The following COL19A1 variants were observed in gnomAD, a reference collection of about 807,000 sequenced individuals.
The protein encoded by COL19A1 is collagen alpha-1(XIX) chain.
Under a neutral mutation model 190.2 loss-of-function variants are expected in COL19A1, and 159 were observed. That is an observed-to-expected ratio of 0.84 (90% confidence interval 0.73 to 0.95). The LOEUF is 0.95. Among genes scored for constraint, COL19A1 ranks in the 40% least tolerant of loss-of-function variants. The pLI is 0.00. For missense variants in COL19A1, 1,418 were observed against 1,431.9 expected, an observed-to-expected ratio of 0.99 and a Z score of 0.16; for synonymous variants, 509 against 458.9, an observed-to-expected ratio of 1.11 and a Z score of -1.39.
intron 50 of COL19A1, 41 bp from the exon 51 acceptor site, chr6:70,207,106 C>T (rs776889603): frequency 1.2e-6 from 2 of 1,606,716 alleles, no homozygotes; most frequent in African/African-American, 2.7e-5. Context: ...GAGGAAGGGC[C>T]ATATGTGATC....
intron 2 of COL19A1, among the ~76,000 whole-genome samples, chr6:69,881,752 A>G (rs1768569604): frequency 6.6e-6 from 1 of 152,248 alleles, no homozygotes; most frequent in African/African-American, 2.4e-5. Flanking sequence ...GTTTGTTTTT[A>G]TCATGCTATT....
chr6:70,135,452 C>T (rs1000204930), intron 18 of COL19A1, among the ~76,000 whole-genome samples: 2 of 152,120 alleles, frequency 1.3e-5, no homozygotes, highest in African/African-American at 4.8e-5. Flanking sequence ...CCAGTCAACT[C>T]ATTAGCATAC....
At chr6:69,980,723 C>G (rs890514546) in intron 11 of COL19A1, among the ~76,000 whole-genome samples, 3 of 152,178 alleles carry the variant, frequency 2.0e-5, no homozygotes, top group African/African-American at 7.2e-5. Flanking sequence ...GAATAGGCAG[C>G]TCGCTAAAGA....
chr6:69,897,623 C>T (rs1769882067), intron 2 of COL19A1, among the ~76,000 whole-genome samples: 1 of 152,088 alleles, frequency 6.6e-6, no homozygotes, highest in Non-Finnish European at 1.5e-5. Context: ...TTTAATTTCT[C>T]TCAGGCATGT....
In COL19A1 at chr6:70,090,645, C is replaced by T. The variant is rs867523901; in HGVS notation, c.1225-11524C>T. On this transcript the variant is annotated intron_variant, in intron 15 of 50. Transcript: ENST00000620364. The stretch of plus-strand genomic sequence containing the variant: ...ATAACCTAAAATTAGTTCTATTGAG[C>T]TTCTGTATTAAATGATGAATTTGGT... 3.3e-5 allele frequency among the ~76,000 whole-genome samples: 5 copies of T among 152,256 alleles called. No individual in the cohort carries two copies. In the South Asian group the frequency reaches 6.2e-4, roughly 19 times the overall value.
At chr6:70,097,080 A>G (rs1042865348) in intron 15 of COL19A1, among the ~76,000 whole-genome samples, 1 of 152,170 alleles carries the variant, frequency 6.6e-6, no homozygotes, top group Non-Finnish European at 1.5e-5. Context: ...CATCTGTCAA[A>G]TAAGTACCAA....
Position 70,016,589 on chromosome 6 carries a change from A to G in COL19A1, c.1027-7038A>G, listed in dbSNP as rs1778121846. ...AATTTAAAAATATTATTTCAAGAAT[A>G]AAATAACCAAACCATATTCTGGGAG... On this transcript the variant is annotated intron_variant, in intron 11 of 50. Coordinates refer to ENST00000620364, the MANE Select transcript of COL19A1 (RefSeq NM_001858.6). 2.0e-5 allele frequency among the ~76,000 whole-genome samples: 3 copies of G among 151,876 alleles called. No homozygotes were observed. In the South Asian group the frequency reaches 6.2e-4, roughly 31 times the overall value.
chr6:70,058,320 C>T (rs1289379023), intron 14 of COL19A1, among the ~76,000 whole-genome samples: 1 of 151,960 alleles, frequency 6.6e-6, no homozygotes, highest in African/African-American at 2.4e-5. Context: ...TATGTGTAAC[C>T]TCTAATTTTT....
chr6:70,075,823 A>G (rs9454962), intron 15 of COL19A1, among the ~76,000 whole-genome samples: 1 of 152,232 alleles, frequency 6.6e-6, no homozygotes, highest in South Asian at 2.1e-4. Flanking sequence ...AATAATACTT[A>G]TATCAATAGT....
intron 49 of COL19A1, among the ~76,000 whole-genome samples, chr6:70,201,522 A>T (rs958384516): frequency 2.6e-5 from 4 of 152,222 alleles, no homozygotes; most frequent in African/African-American, 9.6e-5. Context: ...AACTTGGAAG[A>T]TATCCCCACA....
chr6:70,165,279 C>G (rs1229566113), intron 36 of COL19A1, among the ~76,000 whole-genome samples: 1 of 152,180 alleles, frequency 6.6e-6, no homozygotes, highest in Non-Finnish European at 1.5e-5. Flanking sequence ...AACTTGAATT[C>G]ATTTTCACAA....
chr6:70,177,052 C>G (rs1320511379), intron 42 of COL19A1, among the ~76,000 whole-genome samples: 1 of 152,132 alleles, frequency 6.6e-6, no homozygotes, highest in East Asian at 1.9e-4. Context: ...TCAATCCTCT[C>G]AATCATTTTT....
rs966829524 is a variant in COL19A1 at position 70,208,711 on chromosome 6, A to G, written c.*1437A>G. The G allele has an allele frequency of 1.3e-5, 2 of 152,642 alleles. No homozygotes were observed. The highest frequency in any genetic ancestry group is 3.9e-4 in the East Asian group (2 of 5,194). 9.5% of individuals were successfully genotyped at this position (152,642 alleles called of 1,614,324 possible). A position where few individuals can be genotyped will look rare whatever the true frequency, so the allele number is the denominator to read the frequency against. ...TCTTCAAGGAGCAGTGCAGATTTCA[A>G]TTTGGCTAAAACAGGATGATTGCTT... On this transcript the variant is annotated 3_prime_UTR_variant, in exon 51 of 51. Coordinates refer to ENST00000620364, the MANE Select transcript of COL19A1 (RefSeq NM_001858.6).
At position 69,884,868 on chromosome 6, in the gene COL19A1, T is replaced by A. The variant is rs1768808946; in HGVS notation, c.91+5210T>A. Among the ~76,000 whole-genome samples the A allele has an allele frequency of 2.0e-5, 3 of 151,960 alleles. No homozygotes were observed. In the South Asian group the frequency reaches 6.2e-4, roughly 32 times the overall value. On this transcript the variant is annotated intron_variant, in intron 2 of 50. Transcript: ENST00000620364. The stretch of plus-strand genomic sequence containing the variant: ...TCCTTTGGCTCTTTTCTCTTTTTTT[T>A]TTTTTCCAGACTGAGTCTCGCTCTG...
chr6:70,143,876 T>C (rs6935524), intron 23 of COL19A1, among the ~76,000 whole-genome samples: 71,903 of 151,546 alleles, frequency 0.47, 17,539 homozygotes, highest in African/African-American at 0.57. Context: ...ATAGTAAAAA[T>C]ATATTTTTCT....
At chr6:70,121,011 G>A (rs1163871895) in intron 16 of COL19A1, among the ~76,000 whole-genome samples, 1 of 152,010 alleles carries the variant, frequency 6.6e-6, no homozygotes, top group Admixed American at 6.6e-5. Context: ...TCTTCCTTCT[G>A]TGTCTTATCT....
rs146627676 is a variant in COL19A1 at position 69,879,105 on chromosome 6, A to G, written c.-32-431A>G. Among the ~76,000 whole-genome samples, 600 of 152,292 alleles carry G rather than the reference A, an allele frequency of 3.9e-3. 5 individuals carry two copies. Among genetic ancestry groups the G allele is most frequent in the African/African-American group, 0.011 (469 of 41,554 alleles). On this transcript the variant is annotated intron_variant, in intron 1 of 50. Transcript: ENST00000620364. The stretch of plus-strand genomic sequence containing the variant: ...AGTTTCAGTTTTGCAAAATGAAAAA[A>G]GTTCTGCAGATGGCGGGGATGGTTG...
At chr6:70,200,637 T>C (rs1767489901) in intron 49 of COL19A1, among the ~76,000 whole-genome samples, 1 of 152,168 alleles carries the variant, frequency 6.6e-6, no homozygotes. Context: ...TCCAAAATAA[T>C]ATATATGCAA....
At chr6:70,066,965 C>A (rs1781265479) in intron 14 of COL19A1, among the ~76,000 whole-genome samples, 1 of 152,060 alleles carries the variant, frequency 6.6e-6, no homozygotes, top group South Asian at 2.1e-4. Context: ...TGGATGAGTT[C>A]CCCATGTGAA....
Sources: allele counts gnomAD v4.1 joint callset (sites outside exome capture counted in the v4.1 genomes callset), GRCh38; gene constraint gnomAD v4.1.1; transcripts MANE v1.5; gene names NCBI Gene and HGNC (gene_info 2026-07-23, HGNC 2026-07-21).